Variants in GRID2 observed in about 807,000 individuals in gnomAD.
GRID2 encodes the protein glutamate receptor ionotropic, delta-2.
Under a neutral mutation model 114.8 loss-of-function variants are expected in GRID2, and 33 were observed. That is an observed-to-expected ratio of 0.29 (90% CI 0.22 to 0.38). The LOEUF (loss-of-function observed/expected upper bound fraction) is 0.38. GRID2 is among the 10% of genes least tolerant of loss of function. The pLI is 1.00. For missense variants in GRID2, 1,184 were observed against 1,257.7 expected (o/e 0.94, Z 0.89); for synonymous variants, 505 against 449.9 (o/e 1.12, Z -1.55).
intron 1 of GRID2, among the ~76,000 whole-genome samples, chr4:92,542,272 C>G (rs923858847): frequency 3.3e-5 from 5 of 151,752 alleles, no homozygotes; most frequent in African/African-American, 1.2e-4. Flanking sequence ...TTGAGCACAC[C>G]ACTACACTCC....
intron 2 of GRID2, among the ~76,000 whole-genome samples, chr4:93,057,907 T>G (rs529526584): frequency 3.9e-5 from 6 of 152,100 alleles, no homozygotes; most frequent in African/African-American, 1.4e-4. Flanking sequence ...AAGATGATTT[T>G]TACTCAATTC....
intron 2 of GRID2, among the ~76,000 whole-genome samples, chr4:92,899,238 T>C (rs1278770857): frequency 6.6e-6 from 1 of 152,168 alleles, no homozygotes; most frequent in African/African-American, 2.4e-5. Flanking sequence ...TATATTTTTC[T>C]TGTATGTTTG....
intron 8 of GRID2, among the ~76,000 whole-genome samples, chr4:93,361,268 TG>T (rs1761856188): frequency 6.6e-6 from 1 of 152,042 alleles, no homozygotes; most frequent in South Asian, 2.1e-4. Context: ...AGTAAGCAAC[TG>T]AGCTGAAATT....
At chr4:93,260,029 C>T (rs1039791386) in intron 8 of GRID2, among the ~76,000 whole-genome samples, 1 of 151,584 alleles carries the variant, frequency 6.6e-6, no homozygotes, top group African/African-American at 2.4e-5. Context: ...TAGTATTTTA[C>T]GTAGGAGGTA....
chr4:93,218,522 A>C (rs1744498231), intron 6 of GRID2, among the ~76,000 whole-genome samples: 1 of 152,034 alleles, frequency 6.6e-6, no homozygotes, highest in Non-Finnish European at 1.5e-5. Flanking sequence ...AAATAAATAG[A>C]TATGTCCCTT....
chr4:92,548,877 G>T (rs1184497981), intron 1 of GRID2, among the ~76,000 whole-genome samples: 4 of 151,910 alleles, frequency 2.6e-5, no homozygotes, highest in Admixed American at 2.6e-4. Context: ...GAAAGGGCAA[G>T]GTACCACACA....
intron 11 of GRID2, among the ~76,000 whole-genome samples, chr4:93,462,880 T>G (rs1227665250): frequency 6.6e-6 from 1 of 152,208 alleles, no homozygotes; most frequent in Non-Finnish European, 1.5e-5. Context: ...TGACATTGAC[T>G]AGCTCTGTTG....
chr4:93,016,966 G>T (rs1009246811), intron 2 of GRID2, among the ~76,000 whole-genome samples: 11 of 152,020 alleles, frequency 7.2e-5, no homozygotes, highest in Non-Finnish European at 1.5e-4. Flanking sequence ...CACGTTTTGG[G>T]GTAATTGCAC....
At chr4:93,594,185 T>G (rs1334256748) in intron 13 of GRID2, among the ~76,000 whole-genome samples, 1 of 135,490 alleles carries the variant, frequency 7.4e-6, no homozygotes, top group Non-Finnish European at 1.6e-5. Flanking sequence ...TCTTTGTGGT[T>G]TTATCTACTT....
rs1263522045 is a variant in GRID2 at position 92,477,291 on chromosome 4, C to T, written c.89-112840C>T. ...GATATTTAAGGTCTCAATGGTTAACCTTATTTTAGTATTACTGTGGAGAAA... is the reference window on the plus strand; with the variant it reads ...GATATTTAAGGTCTCAATGGTTAACTTTATTTTAGTATTACTGTGGAGAAA... On this transcript the variant is annotated intron_variant, in intron 1 of 15. Transcript: ENST00000282020. Among the ~76,000 whole-genome samples, 4 of 151,932 alleles carry T rather than the reference C, an allele frequency of 2.6e-5. No individual in the cohort carries two copies. In the South Asian group the frequency reaches 6.2e-4, roughly 24 times the overall value.
At chr4:93,385,334 A>T (rs1306244157) in intron 8 of GRID2, among the ~76,000 whole-genome samples, 2 of 152,226 alleles carry the variant, frequency 1.3e-5, no homozygotes, top group African/African-American at 4.8e-5. Flanking sequence ...TCTTGGTGTG[A>T]ACCCAATCAT....
chr4:92,626,655 C>G (rs938753297), intron 2 of GRID2, among the ~76,000 whole-genome samples: 4 of 151,974 alleles, frequency 2.6e-5, no homozygotes, highest in Non-Finnish European at 5.9e-5. Flanking sequence ...GGACTCAGGG[C>G]TTTCCCAAGT....
chr4:93,783,065 T>TA, intron 1 of GRID2, among the ~76,000 whole-genome samples: 1 of 152,220 alleles, frequency 6.6e-6, no homozygotes, highest in East Asian at 1.9e-4. Flanking sequence ...ATGGCATATA[T>TA]CCTCAATAAG....
intron 13 of GRID2, among the ~76,000 whole-genome samples, chr4:93,602,868 T>C (rs1055084088): frequency 6.6e-6 from 1 of 152,284 alleles, no homozygotes; most frequent in Middle Eastern, 3.4e-3. Context: ...AAGGAAAAAT[T>C]CTTGAAGGAA....
chr4:92,774,227 G>A (rs1738678307), intron 2 of GRID2, among the ~76,000 whole-genome samples: 1 of 152,038 alleles, frequency 6.6e-6, no homozygotes, highest in Non-Finnish European at 1.5e-5. Flanking sequence ...GGACAGGGGT[G>A]AGGCATGGGA....
At chr4:92,781,854 T>C (rs1739094629) in intron 2 of GRID2, among the ~76,000 whole-genome samples, 1 of 152,072 alleles carries the variant, frequency 6.6e-6, no homozygotes, top group African/African-American at 2.4e-5. Flanking sequence ...ACAGTATGTG[T>C]GTTATAGCTC....
At chr4:92,458,985 A>C (rs1721348085) in intron 1 of GRID2, among the ~76,000 whole-genome samples, 1 of 152,202 alleles carries the variant, frequency 6.6e-6, no homozygotes. Flanking sequence ...CTATGGTCTC[A>C]AACTTGGTTT....
At chr4:93,255,212 A>G (rs1749431503) in intron 8 of GRID2, among the ~76,000 whole-genome samples, 1 of 152,104 alleles carries the variant, frequency 6.6e-6, no homozygotes, top group African/African-American at 2.4e-5. Context: ...AACATTTCTG[A>G]AGGACCATAC....
chr4:93,625,241 C>T (rs909210683), intron 13 of GRID2, among the ~76,000 whole-genome samples: 12 of 152,140 alleles, frequency 7.9e-5, no homozygotes, highest in Non-Finnish European at 1.5e-4. Context: ...TTGTCATAAC[C>T]CCAAAGGCAT....
Sources: gnomAD v4.1 joint callset for allele counts (sites outside exome capture counted in the v4.1 genomes callset) on GRCh38, gnomAD v4.1.1 for gene constraint, MANE v1.5 for transcripts, NCBI Gene and HGNC (gene_info 2026-07-23, HGNC 2026-07-21) for gene names.